The following ANKRD44 variants were observed in gnomAD, a reference collection of about 807,000 sequenced individuals.
ANKRD44 encodes ankyrin repeat domain 44.
In ANKRD44, 35 loss-of-function variants were observed where a neutral mutation model predicts 116.0. That is an observed-to-expected ratio of 0.30 (90% CI 0.23 to 0.40). The LOEUF (loss-of-function observed/expected upper bound fraction) is 0.40. ANKRD44 is among the 10% of genes least tolerant of loss of function. ANKRD44 has a pLI of 1.00. For synonymous variants in ANKRD44, 435 were observed against 461.8 expected (o/e 0.94, Z 0.74); for missense variants, 1,014 against 1,242.6 (o/e 0.82, Z 2.77).
Position 197,187,135 on chromosome 2 carries a change from A to G in ANKRD44, c.28-29T>C, listed in dbSNP as rs533535319. On this transcript the variant is annotated intron_variant, in intron 1 of 27. Transcript: ENST00000282272. ...CAAACACAAGAGAATGGGAATCAGA[A>G]CTAAAATTAATACATCTGATCACAT... 6.6e-5 allele frequency: 106 copies of G among 1,601,762 alleles called. 1 individual carries two copies. In the South Asian group the frequency reaches 1.1e-3, roughly 17 times the overall value.
intron 2 of ANKRD44, chr2:197,147,757 A>G (rs2079542268): frequency 2.7e-6 from 1 of 375,958 alleles, no homozygotes; most frequent in Non-Finnish European, 5.3e-6. Context: ...TATACTAGAT[A>G]CACATGAGAT....
intron 2 of ANKRD44, among the ~76,000 whole-genome samples, chr2:197,173,058 C>T (rs991177670): frequency 6.6e-6 from 1 of 152,152 alleles, no homozygotes; most frequent in Non-Finnish European, 1.5e-5. Flanking sequence ...AATATGCTAA[C>T]CAAATTTATT....
intron 1 of ANKRD44, among the ~76,000 whole-genome samples, chr2:197,215,676 A>C (rs958066882): frequency 1.3e-5 from 2 of 152,224 alleles, no homozygotes; most frequent in Admixed American, 6.5e-5. Context: ...AAAAAAAACT[A>C]TCTGGCTCTT....
At chr2:197,169,697 G>T (rs1352302762) in intron 2 of ANKRD44, among the ~76,000 whole-genome samples, 2 of 152,052 alleles carry the variant, frequency 1.3e-5, no homozygotes, top group African/African-American at 4.8e-5. Flanking sequence ...GCCCCACCCT[G>T]GACCTCCCAA....
chr2:197,033,036 T>C (rs1448596713), intron 16 of ANKRD44, among the ~76,000 whole-genome samples: 1 of 141,858 alleles, frequency 7.0e-6, no homozygotes, highest in Non-Finnish European at 1.6e-5. Flanking sequence ...CGGCTGGATA[T>C]AAGGTGGTAG....
At chr2:197,238,241 G>C (rs1202745094) in intron 1 of ANKRD44, among the ~76,000 whole-genome samples, 2 of 152,138 alleles carry the variant, frequency 1.3e-5, no homozygotes, top group Non-Finnish European at 2.9e-5. Context: ...GATTCCCAGA[G>C]CCTAACACAA....
intron 2 of ANKRD44, among the ~76,000 whole-genome samples, chr2:197,164,609 G>A (rs1234642069): frequency 6.6e-6 from 1 of 152,110 alleles, no homozygotes; most frequent in African/African-American, 2.4e-5. Flanking sequence ...CTGCTGCTGC[G>A]GGGTTCCCGC....
chr2:197,086,798 C>T (rs752152630), intron 12 of ANKRD44, 50 bp from the exon 13 acceptor site: 2 of 1,558,602 alleles, frequency 1.3e-6, no homozygotes, highest in Non-Finnish European at 1.8e-6. Context: ...CAATTACTGG[C>T]CTATCTTCAG....
intron 1 of ANKRD44, among the ~76,000 whole-genome samples, chr2:197,283,053 A>C (rs188247375): frequency 1.5e-4 from 23 of 152,348 alleles, no homozygotes; most frequent in African/African-American, 5.3e-4. Flanking sequence ...TTAAGAGAAG[A>C]GAACATCATA....
chr2:197,307,863 C>T (rs190415279), intron 1 of ANKRD44, among the ~76,000 whole-genome samples: 92 of 152,268 alleles, frequency 6.0e-4, no homozygotes, highest in African/African-American at 1.8e-3. Flanking sequence ...ATTCACTTCA[C>T]AAATAGGGCA....
At chr2:196,991,316 A>C (rs560500138) in intron 27 of ANKRD44, among the ~76,000 whole-genome samples, 1 of 152,190 alleles carries the variant, frequency 6.6e-6, no homozygotes, top group Non-Finnish European at 1.5e-5. Flanking sequence ...CACACACACC[A>C]TGAGCCTCAG....
intron 18 of ANKRD44, among the ~76,000 whole-genome samples, chr2:197,009,521 C>T (rs539034833): frequency 1.3e-3 from 192 of 152,156 alleles, no homozygotes; most frequent in African/African-American, 4.6e-3. Context: ...AGGCATGCAC[C>T]ACCACACCCG....
At chr2:197,169,236 A>C (rs1376289394) in intron 2 of ANKRD44, among the ~76,000 whole-genome samples, 1 of 151,934 alleles carries the variant, frequency 6.6e-6, no homozygotes, top group Non-Finnish European at 1.5e-5. Flanking sequence ...CATGGCCCCC[A>C]ATTTCTCATG....
intron 18 of ANKRD44, among the ~76,000 whole-genome samples, chr2:197,011,278 C>A (rs1353383891): frequency 6.6e-6 from 1 of 152,142 alleles, no homozygotes; most frequent in Admixed American, 6.5e-5. Context: ...CAACTTAATA[C>A]TCTAAATAGT....
chr2:197,151,083 T>TTC (rs967607234), intron 2 of ANKRD44, among the ~76,000 whole-genome samples: 2 of 145,968 alleles, frequency 1.4e-5, no homozygotes, highest in African/African-American at 5.0e-5. Flanking sequence ...GGAATTTACT[T>TTC]TTTTTTTTTT....
rs377489924 is a variant in ANKRD44 at position 197,157,412 on chromosome 2, C to T, written c.112-10307G>A. ...ACAACCAGCCAGGCGCAGTGGCTCA[C>T]GCCTGTAATCCCAGCATTTTGGGAG... is the stretch of plus-strand genomic sequence containing the variant. On this transcript the variant is annotated intron_variant, in intron 2 of 27. Coordinates refer to ENST00000282272, the MANE Select transcript of ANKRD44 (RefSeq NM_001195144.2). 4.3e-3 allele frequency among the ~76,000 whole-genome samples: 661 copies of T among 152,242 alleles called. 3 individuals carry two copies. The highest frequency in any genetic ancestry group is 0.014 in the African/African-American group (602 of 41,546).
chr2:197,130,109 C>T (rs2079063555), intron 4 of ANKRD44, among the ~76,000 whole-genome samples: 1 of 152,162 alleles, frequency 6.6e-6, no homozygotes. Context: ...GTCCCTGAGG[C>T]TGCTCTTAAG....
rs192237806 is a variant in ANKRD44 at position 197,091,146 on chromosome 2, G to A, written c.1101-1114C>T. 5.3e-5 allele frequency among the ~76,000 whole-genome samples: 8 copies of A among 152,324 alleles called. No individual in the cohort carries two copies. The East Asian group carries it at 1.5e-3, about 29-fold the overall frequency. The stretch of plus-strand genomic sequence containing the variant: ...GTTAACATTTAAGCCAACCGTGGAC[G>A]GCAGACATCAAAGCGCACTGTAACA... On this transcript the variant is annotated intron_variant, in intron 10 of 27. Coordinates refer to ENST00000282272, the MANE Select transcript of ANKRD44 (RefSeq NM_001195144.2).
intron 16 of ANKRD44, among the ~76,000 whole-genome samples, chr2:197,076,071 T>C (rs2077659437): frequency 6.6e-6 from 1 of 152,192 alleles, no homozygotes; most frequent in East Asian, 1.9e-4. Flanking sequence ...CATACTCATT[T>C]ACTCTCTCCA....
Sources: gnomAD v4.1 joint callset for allele counts (sites outside exome capture counted in the v4.1 genomes callset) on GRCh38, gnomAD v4.1.1 for gene constraint, MANE v1.5 for transcripts, NCBI Gene and HGNC (gene_info 2026-07-23, HGNC 2026-07-21) for gene names.